Variants in KCTD1 observed in about 807,000 individuals in gnomAD.
KCTD1 encodes potassium channel tetramerization domain containing 1, also known as BTB/POZ domain-containing protein KCTD1.
In KCTD1, 24 loss-of-function variants were observed where a neutral mutation model predicts 66.0. That is an observed-to-expected ratio of 0.36 (90% CI 0.26 to 0.51). The LOEUF is 0.51. Among genes scored for constraint, KCTD1 ranks in the 20% least tolerant of loss-of-function variants. The pLI is 0.95. For synonymous variants in KCTD1, 511 were observed against 517.2 expected (o/e 0.99, Z 0.16); for missense variants, 943 against 1,205.2 (o/e 0.78, Z 3.22).
chr18:26,599,142 TATG>T (rs1986833739), intron 1 of KCTD1, among the ~76,000 whole-genome samples: 1 of 152,382 alleles, frequency 6.6e-6, no homozygotes, highest in African/African-American at 2.4e-5. Flanking sequence ...TAGAATTAGT[TATG>T]ATCTTTTTTT....
Position 26,554,239 on chromosome 18 carries a change from G to A in KCTD1, c.-15-52989C>T, listed in dbSNP as rs1360793189. Among the ~76,000 whole-genome samples the A allele has an allele frequency of 4.0e-5, 6 of 149,960 alleles. 1 individual carries two copies. In the East Asian group the frequency reaches 1.0e-3, roughly 26 times the overall value. On this transcript the variant is annotated intron_variant, in intron 1 of 4. Transcript: ENST00000317932. ...AACAATTCAGAAAGAAAGAAAAGAC[G>A]AAAGACAGAGAGAAAGAAAAGAGAA...
chr18:26,567,825 G>C (rs910626338), intron 1 of KCTD1, among the ~76,000 whole-genome samples: 1 of 152,140 alleles, frequency 6.6e-6, no homozygotes, highest in African/African-American at 2.4e-5. Flanking sequence ...ACAGTAAATA[G>C]AAACTTTGAA....
At chr18:26,583,573 A>G (rs1986408081) in intron 1 of KCTD1, among the ~76,000 whole-genome samples, 2 of 152,124 alleles carry the variant, frequency 1.3e-5, no homozygotes, top group African/African-American at 2.4e-5. Flanking sequence ...GTACTCTCTG[A>G]TGTACTCTGT....
intron 1 of KCTD1, among the ~76,000 whole-genome samples, chr18:26,580,470 T>C (rs1259039592): frequency 1.3e-5 from 2 of 152,100 alleles, no homozygotes; most frequent in African/African-American, 4.8e-5. Context: ...TTCACCAACA[T>C]AGCTAGGCAA....
chr18:26,654,433 C>G (rs1988090481), intron 1 of KCTD1, among the ~76,000 whole-genome samples: 1 of 152,026 alleles, frequency 6.6e-6, no homozygotes, highest in Non-Finnish European at 1.5e-5. Flanking sequence ...GTTGAATGGT[C>G]GGTAAATCAC....
upstream of KCTD1, among the ~76,000 whole-genome samples, chr18:26,640,806 C>T (rs1268883296): frequency 6.6e-6 from 1 of 152,060 alleles, no homozygotes; most frequent in African/African-American, 2.4e-5. Flanking sequence ...GTCAGCTGCA[C>T]TGGTTTGTTC....
intron 1 of KCTD1, among the ~76,000 whole-genome samples, chr18:26,514,828 CAG>C: frequency 6.6e-6 from 1 of 152,300 alleles, no homozygotes; most frequent in South Asian, 2.1e-4. Context: ...GCTGAACTGC[CAG>C]ACCTGGTATT....
intron 1 of KCTD1, among the ~76,000 whole-genome samples, chr18:26,560,382 CCTT>C (rs1303814330): frequency 2.0e-5 from 3 of 152,132 alleles, no homozygotes; most frequent in Non-Finnish European, 4.4e-5. Flanking sequence ...TCTTTTTAAT[CCTT>C]CTTCAGGCCT....
chr18:26,579,278 C>T (rs558089536), intron 1 of KCTD1, among the ~76,000 whole-genome samples: 50 of 152,296 alleles, frequency 3.3e-4, no homozygotes, highest in African/African-American at 1.1e-3. Context: ...CACACACACA[C>T]ACACACAAAG....
At chr18:26,484,432 G>T (rs1981808543) in intron 2 of KCTD1, among the ~76,000 whole-genome samples, 2 of 152,144 alleles carry the variant, frequency 1.3e-5, no homozygotes, top group Admixed American at 6.5e-5. Flanking sequence ...ATAAGAAAAA[G>T]TATGAGTGCA....
At chr18:26,494,909 T>A (rs964233193) in intron 2 of KCTD1, among the ~76,000 whole-genome samples, 5 of 152,172 alleles carry the variant, frequency 3.3e-5, no homozygotes, top group Non-Finnish European at 5.9e-5. Flanking sequence ...TCTCTTTCCA[T>A]CTGTGCCGAG....
chr18:26,456,049 T>G (rs1240771143), intron 4 of KCTD1, 148 bp from the exon 5 acceptor site: 2 of 685,358 alleles, frequency 2.9e-6, no homozygotes, highest in African/African-American at 3.6e-5. Flanking sequence ...AGGAAGACCC[T>G]GGATTAATGG....
chr18:26,501,008 A>G (rs964366059), intron 2 of KCTD1, 64 bp downstream of exon 2: 19 of 1,566,584 alleles, frequency 1.2e-5, no homozygotes, highest in Admixed American at 3.4e-5. Context: ...TATGCTGGTC[A>G]AAGGAAAAAC....
chr18:26,484,809 C>T (rs1981833002), intron 2 of KCTD1, among the ~76,000 whole-genome samples: 1 of 152,114 alleles, frequency 6.6e-6, no homozygotes. Context: ...GAGGCAATGA[C>T]TCTGCAGGGT....
At chr18:26,518,478 C>G (rs1171052674) in intron 1 of KCTD1, among the ~76,000 whole-genome samples, 1 of 152,168 alleles carries the variant, frequency 6.6e-6, no homozygotes, top group Non-Finnish European at 1.5e-5. Context: ...ATTGGTCAGG[C>G]TGGTCTTGAA....
chr18:26,541,225 G>A (rs1486039674), intron 1 of KCTD1, among the ~76,000 whole-genome samples: 1 of 152,198 alleles, frequency 6.6e-6, no homozygotes, highest in Non-Finnish European at 1.5e-5. Flanking sequence ...TGGAGAAAGA[G>A]GAGCTGAATC....
chr18:26,541,808 G>A (rs1007960586), intron 1 of KCTD1, among the ~76,000 whole-genome samples: 1 of 152,120 alleles, frequency 6.6e-6, no homozygotes, highest in Non-Finnish European at 1.5e-5. Flanking sequence ...TCGAACAGCT[G>A]AAAAGATCAT....
chr18:26,623,378 A>G (rs1987430845), intron 1 of KCTD1, among the ~76,000 whole-genome samples: 1 of 152,192 alleles, frequency 6.6e-6, no homozygotes, highest in African/African-American at 2.4e-5. Flanking sequence ...CTTGAATTGT[A>G]GTACCCACGA....
At chr18:26,646,746 A>G (rs865939278) in intron 1 of KCTD1, among the ~76,000 whole-genome samples, 6 of 152,366 alleles carry the variant, frequency 3.9e-5, no homozygotes, top group Middle Eastern at 3.4e-3. Flanking sequence ...TTGAACAATT[A>G]TGCATAACTA....
Sources: gnomAD v4.1 joint callset for allele counts (sites outside exome capture counted in the v4.1 genomes callset) on GRCh38, gnomAD v4.1.1 for gene constraint, MANE v1.5 for transcripts, NCBI Gene and HGNC (gene_info 2026-07-23, HGNC 2026-07-21) for gene names.